GABRB2: variants seen among roughly 807,000 people sequenced by gnomAD.
GABRB2 encodes the protein gamma-aminobutyric acid receptor subunit beta-2.
In GABRB2, 16 loss-of-function variants were observed where a neutral mutation model predicts 54.7. The observed-to-expected ratio is 0.29, with a 90% confidence interval of 0.20 to 0.44. GABRB2 has a LOEUF of 0.44. GABRB2 is among the 20% of genes least tolerant of loss of function. The pLI is 1.00. For missense variants in GABRB2, 355 were observed against 644.0 expected, an observed-to-expected ratio of 0.55 and a Z score of 4.86; for synonymous variants, 244 against 233.8, an observed-to-expected ratio of 1.04 and a Z score of -0.40.
At chr5:161,362,536 A>T (rs1009283190) in intron 5 of GABRB2, among the ~76,000 whole-genome samples, 1 of 152,196 alleles carries the variant, frequency 6.6e-6, no homozygotes, top group Admixed American at 6.5e-5. Context: ...AATGGGATCT[A>T]ATTAAACTAA....
chr5:161,442,115 T>C (rs555850179), intron 4 of GABRB2, among the ~76,000 whole-genome samples: 1 of 152,308 alleles, frequency 6.6e-6, no homozygotes, highest in East Asian at 1.9e-4. Flanking sequence ...ATTGCTTGTA[T>C]CTCAAAGGAT....
At chr5:161,304,394 AT>A (rs1382973867) in intron 9 of GABRB2, among the ~76,000 whole-genome samples, 1 of 152,150 alleles carries the variant, frequency 6.6e-6, no homozygotes. Flanking sequence ...GTTAAGAAAA[AT>A]TTGCCTGGCA....
chr5:161,300,906 C>T (rs1412217300), intron 9 of GABRB2, among the ~76,000 whole-genome samples: 1 of 152,180 alleles, frequency 6.6e-6, no homozygotes, highest in African/African-American at 2.4e-5. Flanking sequence ...TGAAAAACAG[C>T]TTTCATAGAC....
chr5:161,480,937 A>C (rs1382716858), intron 3 of GABRB2, among the ~76,000 whole-genome samples: 1 of 152,076 alleles, frequency 6.6e-6, no homozygotes, highest in Non-Finnish European at 1.5e-5. Flanking sequence ...AATTAAGATA[A>C]AGGGTCATAG....
chr5:161,508,546 C>A (rs1221843335), intron 3 of GABRB2, among the ~76,000 whole-genome samples: 4 of 151,856 alleles, frequency 2.6e-5, no homozygotes, highest in African/African-American at 9.7e-5. Flanking sequence ...TGATGTTCCT[C>A]CTCTCAAGTT....
chr5:161,310,991 A>G (rs1462233990), intron 9 of GABRB2, among the ~76,000 whole-genome samples: 6 of 151,890 alleles, frequency 4.0e-5, no homozygotes, highest in Admixed American at 1.3e-4. Context: ...CGATCTCCTC[A>G]CCTCGTGATC....
intron 9 of GABRB2, among the ~76,000 whole-genome samples, chr5:161,318,966 G>A (rs1029530623): frequency 2.0e-5 from 3 of 151,874 alleles, no homozygotes; most frequent in Admixed American, 6.6e-5. Context: ...GAAAAAAGCT[G>A]TGGGAACTTC....
intron 6 of GABRB2, among the ~76,000 whole-genome samples, chr5:161,336,287 A>T (rs1382335): frequency 6.6e-6 from 1 of 152,060 alleles, no homozygotes; most frequent in Non-Finnish European, 1.5e-5. Context: ...AATCATAATC[A>T]AGGGATTATG....
chr5:161,362,758 C>T (rs1358534358), intron 5 of GABRB2, among the ~76,000 whole-genome samples: 1 of 151,864 alleles, frequency 6.6e-6, no homozygotes, highest in Non-Finnish European at 1.5e-5. Context: ...TTTATGCAGC[C>T]AACAAACATA....
chr5:161,500,957 C>T lies in GABRB2; in HGVS notation c.238-41113G>A, dbSNP rs147190237. Among the ~76,000 whole-genome samples, 1,312 of 152,126 alleles carry T rather than the reference C, an allele frequency of 8.6e-3. 19 individuals carry two copies. The highest frequency in any genetic ancestry group is 0.03 in the African/African-American group (1,231 of 41,506). ...CACTAACTCGTCATCTAGCATTAAG[C>T]ATATCTCCCAATGCTATCCCTCCCC... On this transcript the variant is annotated intron_variant, in intron 3 of 9. Coordinates refer to ENST00000393959, the MANE Select transcript of GABRB2 (RefSeq NM_001371727.1).
At chr5:161,326,909 C>T (rs1182442832) in intron 8 of GABRB2, 5 of 746,594 alleles carry the variant, frequency 6.7e-6, no homozygotes, top group East Asian at 1.3e-4. Context: ...CTCAAATATG[C>T]GTGTTCTTAG....
intron 9 of GABRB2, among the ~76,000 whole-genome samples, chr5:161,310,697 ACAG>A (rs1316604176): frequency 2.6e-5 from 4 of 151,822 alleles, no homozygotes; most frequent in Non-Finnish European, 5.9e-5. Flanking sequence ...ACACACACAC[ACAG>A]ATTTTTTAAT....
chr5:161,464,032 C>A (rs1454185710), intron 3 of GABRB2, among the ~76,000 whole-genome samples: 1 of 151,946 alleles, frequency 6.6e-6, no homozygotes, highest in Non-Finnish European at 1.5e-5. Context: ...CTGACTTTCG[C>A]TTCAGCAAAG....
At position 161,299,200 on chromosome 5, in the gene GABRB2, G is replaced by T. The variant is rs115200155; in HGVS notation, c.1192-4772C>A. Among the ~76,000 whole-genome samples, 678 of 152,288 alleles carry T rather than the reference G, an allele frequency of 4.5e-3. 4 individuals are homozygous for T. The highest frequency in any genetic ancestry group is 7.5e-3 in the Non-Finnish European group (511 of 68,014). On this transcript the variant is annotated intron_variant, in intron 9 of 9. Coordinates refer to ENST00000393959, the MANE Select transcript of GABRB2 (RefSeq NM_001371727.1). ...TAAAGAGAATAGACATCTGTGCTTT[G>T]CCTGTTCATCAAGCACCACGCACTC...
intron 9 of GABRB2, among the ~76,000 whole-genome samples, chr5:161,305,001 A>ATTTTTT (rs544511446): frequency 1.4e-4 from 13 of 95,142 alleles, no homozygotes; most frequent in Non-Finnish European, 2.3e-4. Context: ...TGATATATCA[A>ATTTTTT]TTTTTTTTTT....
At position 161,546,549 on chromosome 5, in the gene GABRB2, A is replaced by G. The variant is rs200524787; in HGVS notation, c.77+18T>C. On this transcript the variant is annotated intron_variant, in intron 1 of 9. Transcript: ENST00000393959. ...CTTCAAAGTGAGAACGGAAAAGAGA[A>G]ACGCTGGGCACACTTACCTCTGCGC... 2.6e-5 allele frequency: 41 copies of G among 1,590,258 alleles called. No homozygotes were observed. In the African/African-American group the frequency reaches 5.4e-4, roughly 21 times the overall value.
chr5:161,436,014 CA>C (rs1757296861), intron 4 of GABRB2, among the ~76,000 whole-genome samples: 2 of 152,012 alleles, frequency 1.3e-5, no homozygotes, highest in South Asian at 4.2e-4. Context: ...ATAAAGGTAA[CA>C]GGGGCAATAC....
At chr5:161,511,841 C>T (rs1581046963) in intron 3 of GABRB2, among the ~76,000 whole-genome samples, 4 of 152,012 alleles carry the variant, frequency 2.6e-5, no homozygotes, top group Admixed American at 2.6e-4. Context: ...ACTGGTCATA[C>T]TGAATTAGGA....
At chr5:161,445,776 T>C (rs1441156455) in intron 4 of GABRB2, among the ~76,000 whole-genome samples, 1 of 152,110 alleles carries the variant, frequency 6.6e-6, no homozygotes, top group African/African-American at 2.4e-5. Context: ...GCCCCACCCT[T>C]CTGGGCCAAA....
Sources: gnomAD v4.1 joint callset for allele counts (sites outside exome capture counted in the v4.1 genomes callset) on GRCh38, gnomAD v4.1.1 for gene constraint, MANE v1.5 for transcripts, NCBI Gene and HGNC (gene_info 2026-07-23, HGNC 2026-07-21) for gene names.